The following LRBA variants were observed in gnomAD, a reference collection of about 807,000 sequenced individuals.
LRBA encodes lipopolysaccharide-responsive and beige-like anchor protein.
Under a neutral mutation model 330.0 loss-of-function variants are expected in LRBA, and 176 were observed. The ratio of observed to expected loss-of-function variants is 0.53; its 90% confidence interval spans 0.47 to 0.60. LRBA has a LOEUF of 0.60. Ranked by LOEUF, LRBA falls within the 20% of genes least tolerant of loss-of-function variation. LRBA has a pLI of 0.00. For synonymous variants in LRBA, 1,230 were observed against 1,193.0 expected, an observed-to-expected ratio of 1.03 and a Z score of -0.64; for missense variants, 3,259 against 3,444.8, an observed-to-expected ratio of 0.95 and a Z score of 1.35.
chr4:150,310,207 T>G, intron 52 of LRBA, 22 bp downstream of exon 52: 1 of 1,560,672 alleles, frequency 6.4e-7, no homozygotes, highest in Non-Finnish European at 8.8e-7. Flanking sequence ...TTTAGTTCAC[T>G]GATAAAGAAA....
intron 37 of LRBA, among the ~76,000 whole-genome samples, chr4:150,661,225 A>G (rs1161702252): frequency 1.1e-4 from 17 of 151,962 alleles, no homozygotes; most frequent in Admixed American, 2.6e-4. Context: ...AATCCCAGCA[A>G]TTTGGGAGGC....
intron 31 of LRBA, among the ~76,000 whole-genome samples, chr4:150,810,044 G>T (rs1743494045): frequency 6.6e-6 from 1 of 152,174 alleles, no homozygotes; most frequent in Admixed American, 6.5e-5. Flanking sequence ...GTTAATTCTG[G>T]ATATAGATAA....
intron 2 of LRBA, among the ~76,000 whole-genome samples, chr4:150,989,236 T>C (rs933966121): frequency 8.0e-5 from 12 of 150,814 alleles, no homozygotes; most frequent in African/African-American, 2.9e-4. Context: ...AAACTCCCGA[T>C]CTGAAGTGAT....
intron 44 of LRBA, among the ~76,000 whole-genome samples, chr4:150,454,979 A>AT (rs869198244): frequency 1.0e-4 from 6 of 58,394 alleles, no homozygotes; most frequent in African/African-American, 1.4e-4. Context: ...TTTATTTTTT[A>AT]TTTTTTTTAT....
intron 36 of LRBA, among the ~76,000 whole-genome samples, chr4:150,718,753 G>A (rs1728561634): frequency 6.6e-6 from 1 of 151,918 alleles, no homozygotes; most frequent in African/African-American, 2.4e-5. Context: ...AAATCTCATA[G>A]CACAATGATT....
rs1476389914 is a variant in LRBA at position 150,963,169 on chromosome 4, TCTCCCC to T, written c.217-34110_217-34105del. On this transcript the variant is annotated intron_variant, in intron 2 of 56. Transcript: ENST00000651943. ...TAATCCCTCTCCCTCTCACTCTGCC[TCTCCCC>T]CTCCCCCTCCCCTTTGCACGGTCCT... 2.8e-4 allele frequency among the ~76,000 whole-genome samples: 42 copies of T among 148,300 alleles called. 1 individual carries two copies. The highest frequency in any genetic ancestry group is 2.7e-3 in the East Asian group (14 of 5,156).
intron 46 of LRBA, chr4:150,422,928 G>T: frequency 1.3e-6 from 1 of 795,356 alleles, no homozygotes; most frequent in Non-Finnish European, 2.3e-6. Flanking sequence ...TGCCAGCTCT[G>T]TACAAGACTT....
intron 14 of LRBA, 23 bp from the exon 15 acceptor site, chr4:150,897,841 C>A (rs766512758): frequency 6.7e-7 from 1 of 1,500,462 alleles, no homozygotes; most frequent in Non-Finnish European, 9.3e-7. Context: ...TATACACATA[C>A]ACATTTAGTA....
chr4:150,802,848 C>T (rs1473615571), intron 33 of LRBA, among the ~76,000 whole-genome samples: 6 of 151,674 alleles, frequency 4.0e-5, no homozygotes, highest in Admixed American at 3.3e-4. Flanking sequence ...TGTGGCGAAA[C>T]CCCATCTCTA....
At chr4:150,772,024 T>C (rs899994748) in intron 34 of LRBA, among the ~76,000 whole-genome samples, 1 of 152,208 alleles carries the variant, frequency 6.6e-6, no homozygotes, top group African/African-American at 2.4e-5. Flanking sequence ...CCTAAACTTT[T>C]TTTGTCAACA....
chr4:150,374,121 C>T (rs1267444577), intron 47 of LRBA, among the ~76,000 whole-genome samples: 1 of 152,180 alleles, frequency 6.6e-6, no homozygotes, highest in African/African-American at 2.4e-5. Flanking sequence ...TTACCACAAA[C>T]ACTCCATGAA....
chr4:150,994,639 C>G (rs1201300039), intron 2 of LRBA, among the ~76,000 whole-genome samples: 1 of 152,020 alleles, frequency 6.6e-6, no homozygotes, highest in Non-Finnish European at 1.5e-5. Context: ...GAGAAGGATA[C>G]TATTTTGGTA....
At chr4:151,004,918 CAG>C (rs1554017872) in intron 2 of LRBA, among the ~76,000 whole-genome samples, 1 of 152,106 alleles carries the variant, frequency 6.6e-6, no homozygotes, top group South Asian at 2.1e-4. Context: ...ACCTGGGAGA[CAG>C]GGGTTGGTTG....
chr4:150,504,169 C>G (rs971899497), intron 40 of LRBA, among the ~76,000 whole-genome samples: 7 of 152,194 alleles, frequency 4.6e-5, no homozygotes, highest in Admixed American at 1.3e-4. Context: ...AAACACTCTG[C>G]AGGATATTAT....
intron 47 of LRBA, among the ~76,000 whole-genome samples, chr4:150,400,096 A>G (rs1310395088): frequency 6.6e-6 from 1 of 152,212 alleles, no homozygotes; most frequent in Non-Finnish European, 1.5e-5. Context: ...AGAAGTGTAC[A>G]TTGTTCAGTG....
At chr4:150,419,053 T>A (rs889143537) in intron 46 of LRBA, among the ~76,000 whole-genome samples, 1 of 152,152 alleles carries the variant, frequency 6.6e-6, no homozygotes, top group Non-Finnish European at 1.5e-5. Context: ...GGTCACTATA[T>A]GCCCATACAG....
intron 47 of LRBA, among the ~76,000 whole-genome samples, chr4:150,378,696 C>G (rs1328789172): frequency 6.6e-6 from 1 of 152,160 alleles, no homozygotes; most frequent in Admixed American, 6.5e-5. Flanking sequence ...GAACTCATAG[C>G]TACCATCCAA....
chr4:150,656,007 G>A (rs1048198963), intron 37 of LRBA, among the ~76,000 whole-genome samples: 1 of 152,146 alleles, frequency 6.6e-6, no homozygotes, highest in African/African-American at 2.4e-5. Flanking sequence ...CATTTGTGGG[G>A]AGGAGGTTAG....
At chr4:150,450,579 T>C (rs1040511004) in intron 44 of LRBA, among the ~76,000 whole-genome samples, 5 of 152,224 alleles carry the variant, frequency 3.3e-5, no homozygotes, top group Non-Finnish European at 5.9e-5. Context: ...CCCACCCTAA[T>C]GACCTTATCT....
Sources: allele counts gnomAD v4.1 joint callset (sites outside exome capture counted in the v4.1 genomes callset), GRCh38; gene constraint gnomAD v4.1.1; transcripts MANE v1.5; gene names NCBI Gene and HGNC (gene_info 2026-07-23, HGNC 2026-07-21).